The following PPIF variants were observed in gnomAD, a reference collection of about 807,000 sequenced individuals.
The protein encoded by PPIF is peptidyl-prolyl cis-trans isomerase F, mitochondrial.
In PPIF, 23 loss-of-function variants were observed where a neutral mutation model predicts 20.2. The observed-to-expected ratio is 1.14, with a 90% CI of 0.82 to 1.61. The LOEUF (loss-of-function observed/expected upper bound fraction) is 1.61. PPIF is among the 40% of genes most tolerant of loss of function. The pLI is 0.00. For missense variants in PPIF, 287 were observed against 291.6 expected, an observed-to-expected ratio of 0.98 and a Z score of 0.11; for synonymous variants, 113 against 123.1, an observed-to-expected ratio of 0.92 and a Z score of 0.54.
Position 79,351,588 on chromosome 10 carries a change from G to A in PPIF, c.412+5G>A, listed in dbSNP as rs1471127943. On this transcript the variant is annotated splice_donor_5th_base_variant and intron_variant, in intron 4 of 5. Coordinates refer to ENST00000225174, the MANE Select transcript of PPIF (RefSeq NM_005729.4). The stretch of plus-strand genomic sequence containing the variant: ...CACTGAAGCACGTGGGGCCAGGTGA[G>A]TGGGGGCCTCCTCTAGGGTGAGTGT... 1 of 1,612,890 alleles carries A rather than the reference G, an allele frequency of 6.2e-7. No individual in the cohort carries two copies. The highest frequency in any genetic ancestry group is 2.2e-5 in the East Asian group (1 of 44,884).
intron 1 of PPIF, among the ~76,000 whole-genome samples, chr10:79,348,665 T>TC (rs1420423442): frequency 6.6e-6 from 1 of 152,100 alleles, no homozygotes; most frequent in Admixed American, 6.5e-5. Context: ...CAGCCTTCCC[T>TC]CCCCACACCC....
chr10:79,349,880 C>T lies in PPIF; in HGVS notation c.315+127C>T, dbSNP rs1855957546. 3 of 1,508,322 alleles carry T rather than the reference C, an allele frequency of 2.0e-6. No homozygotes were observed. The African/African-American group carries it at 4.1e-5, about 21-fold the overall frequency. The allele number at this position is 1,508,322 out of a possible 1,614,324, so 93.4% of individuals were successfully genotyped here. ...CAGTTGCTCTGTCAGCCAGGCTGCC[C>T]TCCCTGCATTAGCCCTGTATCCAGG... On this transcript the variant is annotated intron_variant, in intron 3 of 5. Coordinates refer to ENST00000225174, the MANE Select transcript of PPIF (RefSeq NM_005729.4).
chr10:79,347,868 T>C lies in PPIF; in HGVS notation c.195+125T>C, dbSNP rs960200738. 1.4e-5 allele frequency: 17 copies of C among 1,213,648 alleles called. No individual in the cohort carries two copies. The South Asian group carries it at 5.8e-4, about 41-fold the overall frequency. 75.2% of individuals were successfully genotyped at this position (1,213,648 alleles called of 1,614,324 possible). A position where few individuals can be genotyped will look rare whatever the true frequency, so the allele number is the denominator to read the frequency against. On this transcript the variant is annotated intron_variant, in intron 1 of 5. Coordinates refer to ENST00000225174, the MANE Select transcript of PPIF (RefSeq NM_005729.4). ...GCCTCCCCATGCCGAGCTCTGGGCCTCAGTTTCCCCATTTCTGAGAATGGG... is the reference window on the plus strand; with the variant it reads ...GCCTCCCCATGCCGAGCTCTGGGCCCCAGTTTCCCCATTTCTGAGAATGGG...
intron 1 of PPIF, 128 bp from the exon 2 acceptor site, chr10:79,348,948 A>G: frequency 6.3e-7 from 1 of 1,597,520 alleles, no homozygotes; most frequent in Non-Finnish European, 8.6e-7. Flanking sequence ...AATAATGGGA[A>G]TGGAATGTCC....
intron 3 of PPIF, among the ~76,000 whole-genome samples, chr10:79,351,059 G>A (rs1275209027): frequency 6.6e-6 from 1 of 152,188 alleles, no homozygotes; most frequent in African/African-American, 2.4e-5. Context: ...GACAGTGAGG[G>A]GACTCGGCCT....
At chr10:79,351,342 C>G (rs1279622234) in intron 3 of PPIF, 145 bp from the exon 4 acceptor site, 9 of 524,416 alleles carry the variant, frequency 1.7e-5, no homozygotes, top group Non-Finnish European at 2.7e-5. Context: ...ATTATTAGCT[C>G]TTATTTTATT....
chr10:79,351,663 A>C lies in PPIF; in HGVS notation c.412+80A>C, dbSNP rs534585933. On this transcript the variant is annotated intron_variant, in intron 4 of 5. Transcript: ENST00000225174. ...AAGCCCCAGCAGGCCCTGAGAGGCC[A>C]CATGCAGTCACCGTCCAGTATCTGA... 14 of 1,284,806 alleles carry C rather than the reference A, an allele frequency of 1.1e-5. No homozygotes were observed. In the East Asian group the frequency reaches 2.9e-4, roughly 26 times the overall value. 79.6% of individuals were successfully genotyped at this position (1,284,806 alleles called of 1,614,324 possible).
At chr10:79,353,110 A>G (rs1257931078) in intron 5 of PPIF, among the ~76,000 whole-genome samples, 1 of 152,244 alleles carries the variant, frequency 6.6e-6, no homozygotes, top group East Asian at 1.9e-4. Context: ...TCCAAGCCCA[A>G]GAGATGTGGC....
intron 2 of PPIF, 151 bp downstream of exon 2, chr10:79,349,257 C>T (rs749525482): frequency 6.0e-5 from 94 of 1,555,536 alleles, no homozygotes; most frequent in Non-Finnish European, 8.1e-5. Flanking sequence ...TGCTCTGGGG[C>T]AGCCCTGCCA....
intron 3 of PPIF, 131 bp downstream of exon 3, chr10:79,349,884 C>G: frequency 6.7e-7 from 1 of 1,500,764 alleles, no homozygotes; most frequent in East Asian, 2.5e-5. Context: ...GCTGCCCTCC[C>G]TGCATTAGCC....
chr10:79,351,048 G>A (rs570233414), intron 3 of PPIF, among the ~76,000 whole-genome samples: 9 of 152,212 alleles, frequency 5.9e-5, no homozygotes, highest in Admixed American at 3.3e-4. Flanking sequence ...GGCAGTGCGC[G>A]GACAGTGAGG....
rs1856030980 is a variant in PPIF at position 79,355,022 on chromosome 10, T to C, written c.*1180T>C. 6.6e-6 allele frequency: 1 copy of C among 152,408 alleles called. No homozygotes were observed. Among genetic ancestry groups the C allele is most frequent in the South Asian group, 2.1e-4 (1 of 4,834 alleles). 9.4% of individuals were successfully genotyped at this position (152,408 alleles called of 1,614,324 possible). The stretch of plus-strand genomic sequence containing the variant: ...ATTTGTCCCCAGCCAAATCTCATGT[T>C]GAACTGTAATCCCCAGTGCTGGAGG... On this transcript the variant is annotated 3_prime_UTR_variant, in exon 6 of 6. Transcript: ENST00000225174.
chr10:79,347,844 C>T (rs1412740748), intron 1 of PPIF, 101 bp downstream of exon 1: 1 of 1,231,480 alleles, frequency 8.1e-7, no homozygotes, highest in East Asian at 3.3e-5. Flanking sequence ...TGACCTTGGG[C>T]CTCCCCATGC....
At chr10:79,349,323 C>A (rs1855946389) in intron 2 of PPIF, among the ~76,000 whole-genome samples, 1 of 152,250 alleles carries the variant, frequency 6.6e-6, no homozygotes, top group Admixed American at 6.5e-5. Flanking sequence ...TAGCTGGGAG[C>A]CTCAGAGCCA....
Position 79,355,203 on chromosome 10 carries a change from C to T in PPIF, c.*1361C>T, listed in dbSNP as rs7898. 0.48 allele frequency: 73,603 copies of T among 151,836 alleles called. 18,248 individuals carry two copies. Among genetic ancestry groups the T allele is most frequent in the East Asian group, 0.65 (3,345 of 5,152 alleles). 9.4% of individuals were successfully genotyped at this position (151,836 alleles called of 1,614,324 possible). ...GCTCCTGCTTTCACCATGTGACATG[C>T]CTGATCCCCCTTCACCTTTTGCCAT... On this transcript the variant is annotated 3_prime_UTR_variant, in exon 6 of 6. Transcript: ENST00000225174.
At chr10:79,348,985 C>A (rs375348080) in intron 1 of PPIF, 91 bp from the exon 2 acceptor site, 5 of 1,611,868 alleles carry the variant, frequency 3.1e-6, no homozygotes, top group Admixed American at 1.7e-5. Flanking sequence ...GCCTCCTTGG[C>A]CACTGTGGGG....
At chr10:79,352,517 C>A in intron 5 of PPIF, 125 bp downstream of exon 5, 1 of 943,556 alleles carries the variant, frequency 1.1e-6, no homozygotes, top group Non-Finnish European at 1.7e-6. Context: ...GGCCCTCTCC[C>A]AGGCTGTGTG....
At chr10:79,349,642 C>G in intron 2 of PPIF, 23 bp from the exon 3 acceptor site, 1 of 1,612,584 alleles carries the variant, frequency 6.2e-7, no homozygotes, top group South Asian at 1.1e-5. Flanking sequence ...CCCTGTTGAC[C>G]TGTGTTTCTC....
At chr10:79,347,884 T>C (rs1855921537) in intron 1 of PPIF, 141 bp downstream of exon 1, 2 of 1,192,388 alleles carry the variant, frequency 1.7e-6, no homozygotes, top group Non-Finnish European at 2.1e-6. Context: ...TCCCCATTTC[T>C]GAGAATGGGC....
Sources: gnomAD v4.1 joint callset for allele counts (sites outside exome capture counted in the v4.1 genomes callset) on GRCh38, gnomAD v4.1.1 for gene constraint, MANE v1.5 for transcripts, NCBI Gene and HGNC (gene_info 2026-07-23, HGNC 2026-07-21) for gene names.